The following FBXW8 variants were observed in gnomAD, a reference collection of about 807,000 sequenced individuals.
FBXW8 encodes F-box/WD repeat-containing protein 8.
Under a neutral mutation model 65.3 loss-of-function variants are expected in FBXW8, and 57 were observed. That is an observed-to-expected ratio of 0.87 (90% CI 0.71 to 1.09). The LOEUF is 1.09. Among genes scored for constraint, FBXW8 ranks in the 50% least tolerant of loss-of-function variants. The pLI is 0.00. For missense variants in FBXW8, 777 were observed against 814.8 expected, an observed-to-expected ratio of 0.95 and a Z score of 0.57; for synonymous variants, 308 against 330.2, an observed-to-expected ratio of 0.93 and a Z score of 0.73.
chr12:117,016,697 C>G (rs984303377), intron 8 of FBXW8, among the ~76,000 whole-genome samples: 2 of 150,062 alleles, frequency 1.3e-5, no homozygotes, highest in African/African-American at 4.9e-5. Context: ...AGCTAAGAAA[C>G]CATTTCCTAA....
intron 8 of FBXW8, among the ~76,000 whole-genome samples, chr12:117,016,592 A>G (rs1220437395): frequency 6.7e-6 from 1 of 148,696 alleles, no homozygotes; most frequent in Non-Finnish European, 1.5e-5. Context: ...TCTACATTGT[A>G]TTCTTTGAAG....
At chr12:117,015,098 T>A (rs1225950102) in intron 8 of FBXW8, among the ~76,000 whole-genome samples, 1 of 152,190 alleles carries the variant, frequency 6.6e-6, no homozygotes, top group Non-Finnish European at 1.5e-5. Flanking sequence ...GGCCCCCTTT[T>A]GTTCCTCTAG....
At chr12:116,912,354 A>G (rs948009410) in intron 1 of FBXW8, among the ~76,000 whole-genome samples, 3 of 150,570 alleles carry the variant, frequency 2.0e-5, no homozygotes, top group South Asian at 2.1e-4. Context: ...CACTCAGCTA[A>G]TTTTTTAAAT....
At chr12:116,962,470 C>T (rs1362366660) in intron 4 of FBXW8, among the ~76,000 whole-genome samples, 1 of 152,210 alleles carries the variant, frequency 6.6e-6, no homozygotes. Flanking sequence ...ACCCTCGCCT[C>T]CCCACTGTGT....
In FBXW8 at chr12:117,004,784, C is replaced by T. The variant is rs76071799; in HGVS notation, c.1240-5539C>T. Among the ~76,000 whole-genome samples, 2 of 53,372 alleles carry T rather than the reference C, an allele frequency of 3.7e-5. 1 individual carries two copies. Among genetic ancestry groups the T allele is most frequent in the East Asian group, 1.2e-3 (2 of 1,690 alleles). 35.0% of individuals were successfully genotyped at this position (53,372 alleles called of 152,430 possible). A position where few individuals can be genotyped will look rare whatever the true frequency, so the allele number is the denominator to read the frequency against. The stretch of plus-strand genomic sequence containing the variant: ...GATGCTTGGTCTCCTGTTTCCCCAG[C>T]TCTCCTGTTTCCCCAGCTCTCCAGG... On this transcript the variant is annotated intron_variant, in intron 7 of 10. Transcript: ENST00000652555.
At chr12:116,912,873 A>G (rs1212125473) in intron 1 of FBXW8, among the ~76,000 whole-genome samples, 2 of 152,226 alleles carry the variant, frequency 1.3e-5, no homozygotes, top group Non-Finnish European at 2.9e-5. Context: ...AGTTTTTACC[A>G]AGTGTTTAGT....
chr12:116,982,866 T>A (rs1457728739), intron 5 of FBXW8, among the ~76,000 whole-genome samples: 1 of 152,198 alleles, frequency 6.6e-6, no homozygotes, highest in East Asian at 1.9e-4. Context: ...GTACGTCAGT[T>A]ACTCATTGAG....
chr12:116,913,592 CATT>C (rs1242422619), intron 1 of FBXW8, among the ~76,000 whole-genome samples: 1 of 152,176 alleles, frequency 6.6e-6, no homozygotes, highest in Non-Finnish European at 1.5e-5. Flanking sequence ...CAAAGGCCAT[CATT>C]CTCATTGCCT....
intron 9 of FBXW8, 65 bp from the exon 10 acceptor site, chr12:117,027,329 G>A (rs1298098711): frequency 1.6e-6 from 2 of 1,246,114 alleles, no homozygotes; most frequent in Non-Finnish European, 2.4e-6. Context: ...GAACTCCCAG[G>A]CCTGCGGCAG....
At chr12:116,993,901 T>G (rs1004001032) in intron 7 of FBXW8, among the ~76,000 whole-genome samples, 2 of 152,248 alleles carry the variant, frequency 1.3e-5, no homozygotes, top group Non-Finnish European at 2.9e-5. Flanking sequence ...GGTTAATTTT[T>G]ATATATGGTG....
At position 117,029,988 on chromosome 12, in the gene FBXW8, G is replaced by A. The variant is rs1299105484; in HGVS notation, c.*1816G>A. 6.6e-6 allele frequency: 1 copy of A among 152,066 alleles called. No homozygotes were observed. The highest frequency in any genetic ancestry group is 2.4e-5 in the African/African-American group (1 of 41,398). The allele number at this position is 152,066 out of a possible 1,614,324, so 9.4% of individuals were successfully genotyped here. On this transcript the variant is annotated 3_prime_UTR_variant, in exon 11 of 11. Coordinates refer to ENST00000652555, the MANE Select transcript of FBXW8 (RefSeq NM_153348.3). ...TAAAGGTACAGTGGTCTATGAGGAA[G>A]AGAAAAGGTACCTGAGGATGCAGAA...
chr12:117,015,471 C>A (rs1953930124), intron 8 of FBXW8, among the ~76,000 whole-genome samples: 1 of 152,128 alleles, frequency 6.6e-6, no homozygotes, highest in Non-Finnish European at 1.5e-5. Flanking sequence ...AAATGAGGGC[C>A]CTTCCTATTC....
chr12:116,955,261 A>G (rs1199546057), intron 4 of FBXW8, among the ~76,000 whole-genome samples: 1 of 152,214 alleles, frequency 6.6e-6, no homozygotes. Context: ...GCAGCGCAGA[A>G]AAGACCTGCA....
intron 8 of FBXW8, among the ~76,000 whole-genome samples, chr12:117,016,637 G>C (rs2135716523): frequency 6.8e-6 from 1 of 146,748 alleles, no homozygotes; most frequent in Non-Finnish European, 1.5e-5. Flanking sequence ...AGTTCTATTT[G>C]TCTGGTTTTT....
chr12:116,911,077 C>A lies in FBXW8; in HGVS notation c.40C>A (p.Gln14Lys), dbSNP rs1593024362. The A allele has an allele frequency of 6.9e-7, 1 of 1,450,826 alleles. No homozygotes were observed. Among genetic ancestry groups the A allele is most frequent in the East Asian group, 3.0e-5 (1 of 33,202 alleles). 89.9% of individuals were successfully genotyped at this position (1,450,826 alleles called of 1,614,324 possible). The change falls in exon 1 of 11, where the codon CAG becomes AAG. Residue 14 changes from glutamine (Q) to lysine (K), a missense_variant. Gln to Lys is a moderately conservative substitution (Grantham distance 53). Transcript: ENST00000652555. ...CCTGGATGAGTTCCGTCGGCGCTGGCAGGAGGAGCTGGCGCAGGCCCAGGC... is the reference window on the plus strand; with the variant it reads ...CCTGGATGAGTTCCGTCGGCGCTGGAAGGAGGAGCTGGCGCAGGCCCAGGC... ...YSLDEFRRRW[Q>K]EELAQAQAPK...
chr12:116,968,142 T>G (rs1224316066), intron 5 of FBXW8, among the ~76,000 whole-genome samples: 1 of 152,190 alleles, frequency 6.6e-6, no homozygotes, highest in Non-Finnish European at 1.5e-5. Context: ...TTTTTTAATC[T>G]AAAAGTGAGT....
chr12:117,013,493 C>T (rs905658480), intron 8 of FBXW8, among the ~76,000 whole-genome samples: 3 of 152,004 alleles, frequency 2.0e-5, no homozygotes, highest in South Asian at 2.1e-4. Context: ...AGTAATGGTA[C>T]GGGGAGTGAT....
At chr12:116,911,853 C>T (rs755056483) in intron 1 of FBXW8, among the ~76,000 whole-genome samples, 1 of 152,010 alleles carries the variant, frequency 6.6e-6, no homozygotes, top group Non-Finnish European at 1.5e-5. Flanking sequence ...ATTTTTGTAA[C>T]CGTGCACGTA....
intron 2 of FBXW8, 105 bp from the exon 3 acceptor site, chr12:116,945,259 C>G: frequency 9.4e-7 from 1 of 1,067,324 alleles, no homozygotes; most frequent in South Asian, 1.8e-5. Context: ...ACATTTTATA[C>G]TGCCATAAAC....
Sources: gnomAD v4.1 joint callset for allele counts (sites outside exome capture counted in the v4.1 genomes callset) on GRCh38, gnomAD v4.1.1 for gene constraint, MANE v1.5 for transcripts, NCBI Gene and HGNC (gene_info 2026-07-23, HGNC 2026-07-21) for gene names.